The following ABI3BP variants were observed in gnomAD, a reference collection of about 807,000 sequenced individuals.
ABI3BP encodes target of Nesh-SH3.
A neutral mutation model predicts 268.6 loss-of-function variants in ABI3BP; 216 were observed. That is an observed-to-expected ratio of 0.80 (90% CI 0.72 to 0.90). ABI3BP has a LOEUF of 0.90. Among genes scored for constraint, ABI3BP ranks in the 40% least tolerant of loss-of-function variants. The pLI is 0.00. For missense variants in ABI3BP, 2,090 were observed against 2,182.4 expected, an observed-to-expected ratio of 0.96 and a Z score of 0.84; for synonymous variants, 730 against 730.0, an observed-to-expected ratio of 1.00 and a Z score of 0.00.
chr3:100,834,853 A>G (rs765632805), intron 28 of ABI3BP, 80 bp from the exon 29 acceptor site: 1 of 1,327,616 alleles, frequency 7.5e-7, no homozygotes, highest in Non-Finnish European at 1.0e-6. Flanking sequence ...TAGGTTTTCT[A>G]AAGTTTTCCT....
Position 100,874,835 on chromosome 3 carries a change from G to A in ABI3BP, c.910+6C>T. 1 of 1,566,568 alleles carries A rather than the reference G, an allele frequency of 6.4e-7. No individual in the cohort carries two copies. The highest frequency in any genetic ancestry group is 8.7e-7 in the Non-Finnish European group (1 of 1,149,146). On this transcript the variant is annotated splice_donor_region_variant and intron_variant, in intron 9 of 67. Coordinates refer to ENST00000471714, the MANE Select transcript of ABI3BP (RefSeq NM_001375547.2). Reference sequence around the variant, plus strand: ...CAAAGTTCAAATACAAAACTTTTCTGCTTACCTAATTGTGTCTTGAGTGCA... The same window carrying A: ...CAAAGTTCAAATACAAAACTTTTCTACTTACCTAATTGTGTCTTGAGTGCA...
At position 100,804,797 on chromosome 3, in the gene ABI3BP, G is replaced by A; in HGVS notation, c.3752C>T (p.Thr1251Ile). 6.2e-7 allele frequency: 1 copy of A among 1,612,726 alleles called. No homozygotes were observed. The highest frequency in any genetic ancestry group is 8.5e-7 in the Non-Finnish European group (1 of 1,178,884). ...TSPSPEVSYT[T>I]PAPKDVLLPH... ...ACATGAAATAAAGCATTTACCAGGT[G>A]TGGTGTATGACACTTCTGGACTTGG... Residue 1251 changes from threonine (T) to isoleucine (I), a missense_variant, in exon 51 of 68, where the codon ACA (threonine) becomes ATA (isoleucine). Physicochemically the swap from Thr to Ile is moderately conservative, Grantham distance 89 (BLOSUM62 -1). Coordinates refer to ENST00000471714, the MANE Select transcript of ABI3BP (RefSeq NM_001375547.2).
At chr3:100,821,537 A>G (rs2098224400) in intron 38 of ABI3BP, among the ~76,000 whole-genome samples, 1 of 151,234 alleles carries the variant, frequency 6.6e-6, no homozygotes, top group Non-Finnish European at 1.5e-5. Context: ...CATCTCCGCC[A>G]TGGGTATCCA....
intron 28 of ABI3BP, 36 bp from the exon 29 acceptor site, chr3:100,834,809 C>T: frequency 6.6e-7 from 1 of 1,517,668 alleles, no homozygotes; most frequent in Non-Finnish European, 8.8e-7. Context: ...AGTCATATGA[C>T]TCCAGAAACC....
intron 14 of ABI3BP, among the ~76,000 whole-genome samples, chr3:100,852,472 G>A (rs578052098): frequency 6.6e-6 from 1 of 152,264 alleles, no homozygotes; most frequent in East Asian, 1.9e-4. Flanking sequence ...CTGAGAAATA[G>A]GTGAGGTAGG....
At chr3:100,763,199 A>G (rs1435322520) in intron 63 of ABI3BP, among the ~76,000 whole-genome samples, 3 of 152,048 alleles carry the variant, frequency 2.0e-5, no homozygotes, top group Non-Finnish European at 4.4e-5. Context: ...GGTGGCTCAC[A>G]CCTGTAATCC....
intron 1 of ABI3BP, among the ~76,000 whole-genome samples, chr3:100,957,555 T>A (rs1460147887): frequency 6.6e-6 from 1 of 152,122 alleles, no homozygotes; most frequent in Non-Finnish European, 1.5e-5. Flanking sequence ...TAAGACTAGA[T>A]GAGATCACCA....
chr3:100,813,856 C>T, intron 44 of ABI3BP, 121 bp from the exon 45 acceptor site: 1 of 806,414 alleles, frequency 1.2e-6, no homozygotes. Context: ...TATGGAGAGC[C>T]ATACAGAATG....
At chr3:100,843,522 T>C in intron 20 of ABI3BP, 1 of 900,890 alleles carries the variant, frequency 1.1e-6, no homozygotes, top group African/African-American at 2.5e-5. Flanking sequence ...GGAGAGGATG[T>C]GTGTGTGTGT....
chr3:100,902,579 G>A (rs757736556), intron 3 of ABI3BP, 39 bp downstream of exon 3: 2 of 1,592,594 alleles, frequency 1.3e-6, no homozygotes, highest in Admixed American at 1.7e-5. Flanking sequence ...ATGGTTCAAA[G>A]TTCATAAAAG....
chr3:100,935,808 G>A (rs1189361195), intron 1 of ABI3BP, among the ~76,000 whole-genome samples: 1 of 152,074 alleles, frequency 6.6e-6, no homozygotes, highest in Non-Finnish European at 1.5e-5. Context: ...GGAAGGTTGT[G>A]ATTTTTGCAC....
At chr3:100,949,002 A>G (rs374336532) in intron 1 of ABI3BP, among the ~76,000 whole-genome samples, 5 of 152,188 alleles carry the variant, frequency 3.3e-5, no homozygotes, top group African/African-American at 1.2e-4. Flanking sequence ...ACATTTTTAT[A>G]TGTTCTTCCA....
chr3:100,894,928 G>C (rs1303994249), intron 4 of ABI3BP, among the ~76,000 whole-genome samples: 1 of 50,438 alleles, frequency 2.0e-5, no homozygotes, highest in Non-Finnish European at 4.4e-5. Context: ...GACAGAGCGG[G>C]ATTCCGCTTC....
At position 100,829,719 on chromosome 3, in the gene ABI3BP, A is replaced by G. The variant is rs1007953242; in HGVS notation, c.2459-55T>C. 7.6e-6 allele frequency: 10 copies of G among 1,322,298 alleles called. No homozygotes were observed. The East Asian group carries it at 1.3e-4, about 17-fold the overall frequency. 81.9% of individuals were successfully genotyped at this position (1,322,298 alleles called of 1,614,324 possible). ...GCGTGTTTGGTTCCGGAAGCTGTGG[A>G]TAAGATTATACTTGTTATAATTTCT... On this transcript the variant is annotated intron_variant, in intron 32 of 67. Transcript: ENST00000471714.
chr3:100,840,241 G>A (rs2098672545), intron 22 of ABI3BP, 77 bp from the exon 23 acceptor site: 1 of 1,140,208 alleles, frequency 8.8e-7, no homozygotes, highest in Admixed American at 2.6e-5. Context: ...ATCCATCTTA[G>A]AAGGACATTT....
intron 2 of ABI3BP, among the ~76,000 whole-genome samples, chr3:100,917,936 T>C (rs2059125261): frequency 6.6e-6 from 1 of 152,140 alleles, no homozygotes; most frequent in South Asian, 2.1e-4. Context: ...TGGTGAATTG[T>C]TTAAGAGATG....
intron 2 of ABI3BP, among the ~76,000 whole-genome samples, chr3:100,905,292 C>G (rs957042136): frequency 6.6e-6 from 1 of 151,998 alleles, no homozygotes; most frequent in Non-Finnish European, 1.5e-5. Flanking sequence ...GGATAGCATT[C>G]GGAGATATAC....
intron 14 of ABI3BP, among the ~76,000 whole-genome samples, chr3:100,857,106 A>T (rs1437647379): frequency 6.6e-6 from 1 of 152,152 alleles, no homozygotes; most frequent in Non-Finnish European, 1.5e-5. Flanking sequence ...TTTTTTTACA[A>T]GTGAAATGAA....
intron 10 of ABI3BP, among the ~76,000 whole-genome samples, chr3:100,865,824 T>C (rs1438042220): frequency 1.3e-5 from 2 of 152,206 alleles, no homozygotes; most frequent in South Asian, 2.1e-4. Context: ...GGAGTCCCTA[T>C]AGAGCCATGC....
Sources: gnomAD v4.1 joint callset for allele counts (sites outside exome capture counted in the v4.1 genomes callset) on GRCh38, gnomAD v4.1.1 for gene constraint, MANE v1.5 for transcripts, NCBI Gene and HGNC (gene_info 2026-07-23, HGNC 2026-07-21) for gene names.